The following JADE2 variants were observed in gnomAD, a reference collection of about 807,000 sequenced individuals.
JADE2 encodes jade family PHD finger 2.
Under a neutral mutation model 85.7 loss-of-function variants are expected in JADE2, and 13 were observed. That is an observed-to-expected ratio of 0.15 (90% CI 0.10 to 0.24). JADE2 has a LOEUF of 0.24. JADE2 is among the 10% of genes least tolerant of loss of function. JADE2 has a pLI of 1.00. For synonymous variants in JADE2, 440 were observed against 456.1 expected, an observed-to-expected ratio of 0.96 and a Z score of 0.45; for missense variants, 846 against 1,115.9, an observed-to-expected ratio of 0.76 and a Z score of 3.45.
At chr5:134,556,076 G>A (rs2149952879) in intron 4 of JADE2, among the ~76,000 whole-genome samples, 1 of 152,276 alleles carries the variant, frequency 6.6e-6, no homozygotes, top group East Asian at 1.9e-4. Flanking sequence ...AAGCCCAGGA[G>A]CCCTCGCCAC....
Position 134,552,091 on chromosome 5 carries a change from G to A in JADE2, c.193G>A (p.Asp65Asn). The part of the protein sequence containing the change: ...TDLITAMKIP[D>N]SYQLSPDDYY... ...CTTGATCACAGCCATGAAGATCCCG[G>A]ACTCATACCAGCTCAGCCCGGATGA... The change falls in exon 4 of 12, where the codon GAC becomes AAC. Residue 65 changes from aspartate to asparagine, a missense_variant. By Grantham distance (23) the Asp-to-Asn change is conservative. This residue lies in a region of JADE2 where 44 missense variants were observed against 92.0 expected (regional missense o/e 0.48). Coordinates refer to ENST00000681547, the MANE Select transcript of JADE2 (RefSeq NM_001388185.1). 2 of 1,614,168 alleles carry A rather than the reference G, an allele frequency of 1.2e-6. No homozygotes were observed. The highest frequency in any genetic ancestry group is 1.7e-6 in the Non-Finnish European group (2 of 1,180,028).
At chr5:134,544,171 AGT>A (rs1762150673) in intron 3 of JADE2, among the ~76,000 whole-genome samples, 1 of 152,272 alleles carries the variant, frequency 6.6e-6, no homozygotes, top group Non-Finnish European at 1.5e-5. Context: ...GAAGTCAGCC[AGT>A]GGGCAGAGGC....
In JADE2 at chr5:134,579,668, T is replaced by C; in HGVS notation, c.*351T>C. 3.9e-6 allele frequency: 1 copy of C among 257,838 alleles called. No homozygotes were observed. The highest frequency in any genetic ancestry group is 7.5e-6 in the Non-Finnish European group (1 of 133,750). 16.0% of individuals were successfully genotyped at this position (257,838 alleles called of 1,614,324 possible). A position where few individuals can be genotyped will look rare whatever the true frequency, so the allele number is the denominator to read the frequency against. ...CACTGCCACTGGGTGACACAGACTG[T>C]CGTTTGGGCATTATTTCATGGCAGA... On this transcript the variant is annotated 3_prime_UTR_variant, in exon 12 of 12. Coordinates refer to ENST00000681547, the MANE Select transcript of JADE2 (RefSeq NM_001388185.1). The surrounding 1 kb of genome is among the most constrained non-coding windows in gnomAD (Gnocchi z 4.6).
At chr5:134,547,137 T>C (rs985008982) in intron 3 of JADE2, among the ~76,000 whole-genome samples, 2 of 152,218 alleles carry the variant, frequency 1.3e-5, no homozygotes, top group Admixed American at 1.3e-4. Context: ...AAAGCTAGAC[T>C]TTTGAATGGT....
intron 2 of JADE2, chr5:134,536,605 G>A (rs1761602494): frequency 6.6e-6 from 1 of 152,242 alleles, no homozygotes; most frequent in African/African-American, 2.4e-5. Flanking sequence ...TGCAAAGTGA[G>A]GGCTCTGGTA....
At chr5:134,576,060 G>A (rs1439400775) in intron 10 of JADE2, among the ~76,000 whole-genome samples, 4 of 152,174 alleles carry the variant, frequency 2.6e-5, no homozygotes, top group Admixed American at 1.3e-4. Context: ...TTAGCCGGGT[G>A]TGGTGGCATG....
chr5:134,535,988 A>T, intron 2 of JADE2, 73 bp downstream of exon 2: 1 of 1,296,644 alleles, frequency 7.7e-7, no homozygotes, highest in Admixed American at 1.7e-5. Context: ...CCCAGATGGG[A>T]GGAGGCTGCC....
chr5:134,577,262 C>A (rs932901728), intron 11 of JADE2, among the ~76,000 whole-genome samples: 6 of 152,214 alleles, frequency 3.9e-5, no homozygotes, highest in Admixed American at 3.9e-4. Flanking sequence ...CCATCCTTGT[C>A]CTACTCTCCC....
At chr5:134,569,185 C>A (rs1295441905) in intron 9 of JADE2, among the ~76,000 whole-genome samples, 7 of 152,198 alleles carry the variant, frequency 4.6e-5, no homozygotes, top group Non-Finnish European at 4.4e-5. Context: ...ATTGTTGTTA[C>A]TGTCCTGGCC....
chr5:134,578,993 G>A lies in JADE2; in HGVS notation c.2181G>A (p.Glu727=), dbSNP rs767750203. The stretch of plus-strand genomic sequence containing the variant: ...CACTGGCCCCTGAGACCCCGGACGA[G>A]GCAGCCTCAGTAGCTGCTGACTCAG... The part of the protein sequence containing the change: ...PPPLAPETPD[E]AASVAADSDV... The change falls in exon 12 of 12, where the codon GAG becomes GAA. Residue 727 remains glutamate (E), a synonymous_variant. Coordinates refer to ENST00000681547, the MANE Select transcript of JADE2 (RefSeq NM_001388185.1). This position sits in a 1 kb window ranked among gnomAD's most constrained non-coding sequence, Gnocchi z 4.4. The A allele has an allele frequency of 1.9e-6, 3 of 1,613,848 alleles. No individual in the cohort carries two copies. The highest frequency in any genetic ancestry group is 4.5e-5 in the East Asian group (2 of 44,888).
In JADE2 at chr5:134,532,938, A is replaced by G. The variant is rs538502270; in HGVS notation, c.1-2920A>G. 2.8e-4 allele frequency among the ~76,000 whole-genome samples: 43 copies of G among 152,348 alleles called. No homozygotes were observed. The South Asian group carries it at 6.6e-3, about 23-fold the overall frequency. ...GGCTTCCTTCTCAAGCCTAGTTGTT[A>G]TAACAATTAAGCCACCACAAAATCT... On this transcript the variant is annotated intron_variant, in intron 1 of 11. Coordinates refer to ENST00000681547, the MANE Select transcript of JADE2 (RefSeq NM_001388185.1).
At chr5:134,551,730 T>C (rs1420956744) in intron 3 of JADE2, among the ~76,000 whole-genome samples, 1 of 152,108 alleles carries the variant, frequency 6.6e-6, no homozygotes, top group Admixed American at 6.6e-5. Context: ...TTCCTCTTTT[T>C]ATTTTGATTT....
rs200238259 is a variant in JADE2, at chr5:134,530,052, G to A, written c.-1+4041G>A. On this transcript the variant is annotated intron_variant, in intron 1 of 11. Coordinates refer to ENST00000681547, the MANE Select transcript of JADE2 (RefSeq NM_001388185.1). Reference sequence around the variant, plus strand: ...CAGGAAGCCGACTGGAGGATCCCAGGCAGCAGCCCTCTACTCTGTATACAA... The same window carrying A: ...CAGGAAGCCGACTGGAGGATCCCAGACAGCAGCCCTCTACTCTGTATACAA... Among the ~76,000 whole-genome samples, 3 of 152,220 alleles carry A rather than the reference G, an allele frequency of 2.0e-5. No homozygotes were observed. The East Asian group carries it at 5.8e-4, about 29-fold the overall frequency.
intron 3 of JADE2, among the ~76,000 whole-genome samples, chr5:134,550,934 C>G (rs1303361462): frequency 1.3e-5 from 2 of 152,134 alleles, no homozygotes; most frequent in Admixed American, 6.5e-5. Context: ...GCCTTCCTAC[C>G]CCCCCTTCCC....
chr5:134,546,402 G>A (rs1762295226), intron 3 of JADE2, among the ~76,000 whole-genome samples: 1 of 152,172 alleles, frequency 6.6e-6, no homozygotes, highest in Non-Finnish European at 1.5e-5. Flanking sequence ...CAGGCACAGT[G>A]ATAAACAGGA....
chr5:134,575,601 T>TA (rs1417226607), intron 10 of JADE2: 9 of 152,020 alleles, frequency 5.9e-5, no homozygotes, highest in Non-Finnish European at 1.0e-4. Context: ...AGGCATTAGT[T>TA]ACATGCCATG....
rs1325183830 is a variant in JADE2, at chr5:134,556,824, G to GCA, written c.312-2995_312-2994dup. Among the ~76,000 whole-genome samples the GCA allele has an allele frequency of 4.8e-5, 4 of 82,690 alleles. No homozygotes were observed. In the South Asian group the frequency reaches 1.3e-3, roughly 26 times the overall value. The allele number at this position is 82,690 out of a possible 152,430, so 54.2% of individuals were successfully genotyped here. A position where few individuals can be genotyped will look rare whatever the true frequency, so the allele number is the denominator to read the frequency against. On this transcript the variant is annotated intron_variant, in intron 4 of 11. Coordinates refer to ENST00000681547, the MANE Select transcript of JADE2 (RefSeq NM_001388185.1). ...AAAACACACTCCACACATACCACAT[G>GCA]CACACACACACATCACACAGCACAT... is the stretch of plus-strand genomic sequence containing the variant.
chr5:134,544,237 A>T (rs1762156441), intron 3 of JADE2, among the ~76,000 whole-genome samples: 1 of 152,246 alleles, frequency 6.6e-6, no homozygotes, highest in South Asian at 2.1e-4. Context: ...CAAGTGCTTA[A>T]GAGTACCTAG....
chr5:134,567,734 A>G (rs59500667), intron 9 of JADE2, among the ~76,000 whole-genome samples: 2,462 of 152,234 alleles, frequency 0.016, 64 homozygotes, highest in African/African-American at 0.052. Flanking sequence ...AGCTTCCCCA[A>G]TCCCCTCCTT....
Sources: gnomAD v4.1 joint callset for allele counts (sites outside exome capture counted in the v4.1 genomes callset) on GRCh38, gnomAD v4.1.1 for gene constraint, gnomAD v4.1.1 regional missense constraint, Gnocchi (gnomAD v3.1) non-coding constraint, MANE v1.5 for transcripts, NCBI Gene and HGNC (gene_info 2026-07-23, HGNC 2026-07-21) for gene names.